ZNF277: variants seen among roughly 807,000 people sequenced by gnomAD.
The protein encoded by ZNF277 is nuclear receptor-interacting factor 4.
ZNF277 carries 55 observed loss-of-function variants against 60.7 expected under a neutral mutation model. The observed-to-expected ratio is 0.91, with a 90% CI of 0.73 to 1.13. ZNF277 has a LOEUF of 1.13. Ranked by LOEUF, ZNF277 falls within the 50% of genes most tolerant of loss-of-function variation. The probability of loss-of-function intolerance (pLI) is 0.00; values close to 1 mark genes in which losing one functional copy is unlikely to be tolerated. For missense variants in ZNF277, 510 were observed against 523.0 expected (o/e 0.98, Z 0.24); for synonymous variants, 178 against 179.3 (o/e 0.99, Z 0.06).
At chr7:112,207,384 G>A (rs986520911) in intron 1 of ZNF277, among the ~76,000 whole-genome samples, 1 of 152,134 alleles carries the variant, frequency 6.6e-6, no homozygotes, top group Non-Finnish European at 1.5e-5. Flanking sequence ...TAACTGCTCT[G>A]GGTGTTCTTC....
At chr7:112,212,772 T>C (rs1435719469) in intron 1 of ZNF277, among the ~76,000 whole-genome samples, 1 of 152,196 alleles carries the variant, frequency 6.6e-6, no homozygotes, top group Admixed American at 6.5e-5. Flanking sequence ...TGGTGCTACA[T>C]ACTAGTATTA....
At chr7:112,317,362 T>C (rs761996304) in intron 4 of ZNF277, among the ~76,000 whole-genome samples, 10 of 152,122 alleles carry the variant, frequency 6.6e-5, no homozygotes, top group Non-Finnish European at 4.4e-5. Context: ...CAATTATATG[T>C]GAGAGCCATA....
chr7:112,330,935 G>T (rs1793216389), intron 7 of ZNF277, among the ~76,000 whole-genome samples: 1 of 152,022 alleles, frequency 6.6e-6, no homozygotes, highest in Admixed American at 6.6e-5. Flanking sequence ...TACTGGATGT[G>T]TTAGGTGCTA....
chr7:112,221,141 C>T (rs1191852459), intron 1 of ZNF277, among the ~76,000 whole-genome samples: 5 of 152,130 alleles, frequency 3.3e-5, no homozygotes, highest in African/African-American at 7.2e-5. Context: ...TGCCCATTGC[C>T]GCTCCCGATT....
At chr7:112,274,061 CTTG>C (rs1439474467) in intron 1 of ZNF277, among the ~76,000 whole-genome samples, 1 of 148,428 alleles carries the variant, frequency 6.7e-6, no homozygotes, top group Non-Finnish European at 1.5e-5. Context: ...ATATATATAT[CTTG>C]TTAGAAAAGT....
chr7:112,316,752 C>G lies in ZNF277; in HGVS notation c.466-1430C>G, dbSNP rs139285950. ...TGTGGAAGACGGTGTGGCAATTCCTCAAGGATCTTGAGCCAGAAATACCAT... is the reference window on the plus strand; with the variant it reads ...TGTGGAAGACGGTGTGGCAATTCCTGAAGGATCTTGAGCCAGAAATACCAT... On this transcript the variant is annotated intron_variant, in intron 4 of 11. Transcript: ENST00000361822. Among the ~76,000 whole-genome samples the G allele has an allele frequency of 3.8e-3, 571 of 152,148 alleles. 3 individuals are homozygous for G. The highest frequency in any genetic ancestry group is 6.2e-3 in the Non-Finnish European group (420 of 67,968).
At chr7:112,246,229 CA>C in intron 1 of ZNF277, among the ~76,000 whole-genome samples, 1 of 150,622 alleles carries the variant, frequency 6.6e-6, no homozygotes, top group East Asian at 1.9e-4. Context: ...ACAAAAGATA[CA>C]AAAAAAAATT....
chr7:112,273,404 C>T (rs1791724977), intron 1 of ZNF277, among the ~76,000 whole-genome samples: 1 of 152,156 alleles, frequency 6.6e-6, no homozygotes. Context: ...ATTCTCTCTC[C>T]AGGCCACATG....
At chr7:112,247,527 G>C (rs1587114110) in intron 1 of ZNF277, among the ~76,000 whole-genome samples, 3 of 152,166 alleles carry the variant, frequency 2.0e-5, no homozygotes, top group Admixed American at 2.0e-4. Context: ...AATAATATTG[G>C]TGTGAGGCAA....
chr7:112,272,028 TAG>T (rs1791680150), intron 1 of ZNF277, among the ~76,000 whole-genome samples: 1 of 152,216 alleles, frequency 6.6e-6, no homozygotes, highest in South Asian at 2.1e-4. Flanking sequence ...TGTGAAATAC[TAG>T]CTCTTATTTA....
intron 1 of ZNF277, among the ~76,000 whole-genome samples, chr7:112,263,670 G>A (rs980867020): frequency 2.0e-5 from 3 of 152,194 alleles, no homozygotes; most frequent in East Asian, 1.9e-4. Flanking sequence ...TGTGTGTGTA[G>A]TTAATACATG....
chr7:112,261,696 T>C (rs1160476531), intron 1 of ZNF277, among the ~76,000 whole-genome samples: 2 of 152,228 alleles, frequency 1.3e-5, no homozygotes, highest in Non-Finnish European at 2.9e-5. Flanking sequence ...TCTGTTTTTA[T>C]GAATTTATTC....
At chr7:112,337,444 C>T (rs185146559) in intron 8 of ZNF277, among the ~76,000 whole-genome samples, 5 of 152,232 alleles carry the variant, frequency 3.3e-5, no homozygotes, top group Non-Finnish European at 5.9e-5. Flanking sequence ...TGTCTCAGGA[C>T]GACATTCCTC....
intron 1 of ZNF277, among the ~76,000 whole-genome samples, chr7:112,273,148 G>T (rs1018812155): frequency 1.3e-5 from 2 of 152,180 alleles, no homozygotes; most frequent in African/African-American, 4.8e-5. Context: ...AGTAATTGCA[G>T]TCCTTGTGGC....
chr7:112,221,179 AT>A (rs1822020435), intron 1 of ZNF277, among the ~76,000 whole-genome samples: 2 of 152,250 alleles, frequency 1.3e-5, no homozygotes, highest in Admixed American at 6.5e-5. Context: ...TCGTTCCTGC[AT>A]GGCTAAGTGC....
intron 4 of ZNF277, among the ~76,000 whole-genome samples, chr7:112,299,230 A>T (rs1168280039): frequency 2.6e-5 from 4 of 152,176 alleles, no homozygotes; most frequent in Non-Finnish European, 5.9e-5. Context: ...TGATTATAGG[A>T]TCTATCTCCT....
chr7:112,206,695 C>T lies in ZNF277; in HGVS notation c.-22C>T. The T allele has an allele frequency of 1.2e-6, 2 of 1,611,564 alleles. No individual in the cohort carries two copies. Among genetic ancestry groups the T allele is most frequent in the Non-Finnish European group, 1.7e-6 (2 of 1,178,994 alleles). On this transcript the variant is annotated 5_prime_UTR_variant, in exon 1 of 12. Coordinates refer to ENST00000361822, the MANE Select transcript of ZNF277 (RefSeq NM_021994.3). ...CGCCTCCGACCCGCCCTGCGGCCCT[C>T]CCTTTTCTTTTCTGCCGGGTAATGG...
At chr7:112,311,551 C>T (rs1792733217) in intron 4 of ZNF277, among the ~76,000 whole-genome samples, 1 of 151,654 alleles carries the variant, frequency 6.6e-6, no homozygotes, top group African/African-American at 2.4e-5. Flanking sequence ...TTTTAGAAAA[C>T]ATAAATCCAC....
In ZNF277 at chr7:112,287,055, T is replaced by C. The variant is rs768704088; in HGVS notation, c.274T>C (p.Leu92=). ...EHKIVIADVK[L]VADFQRYILY... is the part of the protein sequence containing the mutation. ...TAAGATTGTCATAGCTGATGTCAAG[T>C]TGGTTGCTGATTTCCAAAGGTAAGT... The change falls in exon 2 of 12, where the codon TTG becomes CTG. Residue 92 remains leucine (L), a synonymous_variant. Transcript: ENST00000361822. 4 of 1,614,056 alleles carry C rather than the reference T, an allele frequency of 2.5e-6. No homozygotes were observed. The East Asian group carries it at 6.7e-5, about 27-fold the overall frequency.
Sources: gnomAD v4.1 joint callset for allele counts (sites outside exome capture counted in the v4.1 genomes callset) on GRCh38, gnomAD v4.1.1 for gene constraint, MANE v1.5 for transcripts, NCBI Gene and HGNC (gene_info 2026-07-23, HGNC 2026-07-21) for gene names.